CNTLN: variants seen among roughly 807,000 people sequenced by gnomAD.
The protein encoded by CNTLN is centlein.
A neutral mutation model predicts 180.0 loss-of-function variants in CNTLN; 212 were observed. The observed-to-expected ratio is 1.18, with a 90% CI of 1.05 to 1.32. CNTLN has a LOEUF of 1.32. CNTLN is among the 40% of genes most tolerant of loss of function. The pLI, the probability that CNTLN is intolerant of heterozygous loss-of-function variation, is 0.00. For missense variants in CNTLN, 2,095 were observed against 1,610.9 expected, an observed-to-expected ratio of 1.30 and a Z score of -5.14; for synonymous variants, 722 against 563.1, an observed-to-expected ratio of 1.28 and a Z score of -3.99.
At chr9:17,379,594 C>T (rs1332746957) in intron 13 of CNTLN, among the ~76,000 whole-genome samples, 1 of 152,098 alleles carries the variant, frequency 6.6e-6, no homozygotes, top group African/African-American at 2.4e-5. Context: ...TTGTCTGATG[C>T]CCAGTATCTA....
In CNTLN at chr9:17,185,984, G is replaced by A. The variant is rs116251014; in HGVS notation, c.450-40219G>A. ...ATTTTTAAATTTTTTGTAGAGGCAG[G>A]TCTCACTGTGTTGCTCAGGTTGGTC... On this transcript the variant is annotated intron_variant, in intron 2 of 25. Transcript: ENST00000380647. Among the ~76,000 whole-genome samples, 392 of 152,124 alleles carry A rather than the reference G, an allele frequency of 2.6e-3. 5 individuals carry two copies. The highest frequency in any genetic ancestry group is 9.0e-3 in the African/African-American group (375 of 41,480).
rs145422553 is a variant in CNTLN at position 17,413,081 on chromosome 9, A to G, written c.2797-2707A>G. 4.1e-4 allele frequency among the ~76,000 whole-genome samples: 62 copies of G among 152,330 alleles called. 1 individual carries two copies. Among genetic ancestry groups the G allele is most frequent in the African/African-American group, 1.4e-3 (59 of 41,572 alleles). On this transcript the variant is annotated intron_variant, in intron 16 of 25. Coordinates refer to ENST00000380647, the MANE Select transcript of CNTLN (RefSeq NM_017738.4). ...CTGATGGCACCGTACACCCGCCATTATTATTCACATAATGGAACAGAGAAT... is the reference window on the plus strand; with the variant it reads ...CTGATGGCACCGTACACCCGCCATTGTTATTCACATAATGGAACAGAGAAT...
At position 17,155,899 on chromosome 9, in the gene CNTLN, G is replaced by A. The variant is rs181637991; in HGVS notation, c.449+12523G>A. 3.3e-4 allele frequency among the ~76,000 whole-genome samples: 50 copies of A among 152,282 alleles called. 1 individual carries two copies. The highest frequency in any genetic ancestry group is 1.8e-3 in the Admixed American group (27 of 15,300). On this transcript the variant is annotated intron_variant, in intron 2 of 25. Transcript: ENST00000380647. ...CACTGGAGGGAATCTCCTGGTTTGC[G>A]GGATGTAAAGACCGTGGGACAAGCA...
intron 18 of CNTLN, among the ~76,000 whole-genome samples, chr9:17,452,856 G>A (rs1395744805): frequency 6.6e-6 from 1 of 152,084 alleles, no homozygotes; most frequent in African/African-American, 2.4e-5. Flanking sequence ...CCTATTCATG[G>A]GATCCTACAG....
At chr9:17,256,721 A>G (rs1161797127) in intron 5 of CNTLN, among the ~76,000 whole-genome samples, 1 of 151,050 alleles carries the variant, frequency 6.6e-6, no homozygotes, top group Non-Finnish European at 1.5e-5. Context: ...AACAGAAAAC[A>G]AAATGTCGTT....
At chr9:17,158,979 T>A (rs1296147215) in intron 2 of CNTLN, among the ~76,000 whole-genome samples, 1 of 152,262 alleles carries the variant, frequency 6.6e-6, no homozygotes, top group Admixed American at 6.5e-5. Context: ...CATTTATAGT[T>A]ATATCCTTCC....
chr9:17,418,427 T>A (rs1442516), intron 18 of CNTLN, among the ~76,000 whole-genome samples: 8 of 151,746 alleles, frequency 5.3e-5, no homozygotes, highest in Admixed American at 5.2e-4. Context: ...CTTTCTGGGC[T>A]CTAACATAAT....
intron 2 of CNTLN, among the ~76,000 whole-genome samples, chr9:17,195,421 G>GT (rs1280955695): frequency 6.6e-6 from 1 of 151,672 alleles, no homozygotes; most frequent in African/African-American, 2.4e-5. Flanking sequence ...GAAGACTATT[G>GT]TTTTTTTCCT....
intron 5 of CNTLN, among the ~76,000 whole-genome samples, chr9:17,271,086 G>A (rs988886359): frequency 1.3e-5 from 2 of 151,722 alleles, no homozygotes; most frequent in African/African-American, 2.4e-5. Flanking sequence ...GAGTAGCTGG[G>A]ACTACAGGCA....
At chr9:17,241,829 T>G (rs183608681) in intron 5 of CNTLN, among the ~76,000 whole-genome samples, 7 of 152,318 alleles carry the variant, frequency 4.6e-5, no homozygotes, top group African/African-American at 1.7e-4. Context: ...GTAGGATTAC[T>G]TTCTTAATTT....
intron 6 of CNTLN, among the ~76,000 whole-genome samples, chr9:17,291,890 G>A (rs1829436362): frequency 6.6e-6 from 1 of 152,116 alleles, no homozygotes; most frequent in Non-Finnish European, 1.5e-5. Context: ...TTGCTTTATA[G>A]TTTCATTGGT....
chr9:17,284,171 C>G (rs1013665746), intron 6 of CNTLN, among the ~76,000 whole-genome samples: 2 of 152,014 alleles, frequency 1.3e-5, no homozygotes, highest in Non-Finnish European at 2.9e-5. Context: ...ACAGGCGCTT[C>G]CAGTATGCCT....
At chr9:17,509,283 G>T in the CNTLN span, among the ~76,000 whole-genome samples, 1 of 152,152 alleles carries the variant, frequency 6.6e-6, no homozygotes, top group East Asian at 1.9e-4. Flanking sequence ...GCTACCTGGT[G>T]GCATGTTGAT....
chr9:17,222,731 T>C (rs897067233), intron 2 of CNTLN, among the ~76,000 whole-genome samples: 3 of 152,094 alleles, frequency 2.0e-5, no homozygotes, highest in African/African-American at 4.8e-5. Context: ...CAGTCATTTC[T>C]CAGTCTTTAG....
downstream of CNTLN, among the ~76,000 whole-genome samples, chr9:17,504,519 G>A (rs946323119): frequency 8.5e-5 from 13 of 152,082 alleles, 1 homozygote; most frequent in Non-Finnish European, 1.5e-4. Flanking sequence ...CGAAACCTGC[G>A]AATGTGTTAC....
intron 2 of CNTLN, among the ~76,000 whole-genome samples, chr9:17,198,037 G>A (rs1184031419): frequency 6.6e-6 from 1 of 152,074 alleles, no homozygotes; most frequent in Non-Finnish European, 1.5e-5. Context: ...TTGACAATGA[G>A]TTCACTGTAG....
intron 5 of CNTLN, among the ~76,000 whole-genome samples, chr9:17,266,391 T>C (rs1240368352): frequency 1.3e-5 from 2 of 152,334 alleles, no homozygotes; most frequent in African/African-American, 2.4e-5. Flanking sequence ...GATTGCACTG[T>C]GGTCTGAGAG....
intron 18 of CNTLN, among the ~76,000 whole-genome samples, chr9:17,434,574 A>G (rs1459648247): frequency 6.6e-6 from 1 of 151,996 alleles, no homozygotes; most frequent in Non-Finnish European, 1.5e-5. Context: ...TTCCATTATG[A>G]CCAGAGGCTA....
chr9:17,514,181 A>G, the CNTLN span, among the ~76,000 whole-genome samples: 1 of 151,842 alleles, frequency 6.6e-6, no homozygotes, highest in African/African-American at 2.4e-5. Flanking sequence ...GTAATGACAC[A>G]TGCCTGTAGT....
Sources: allele counts gnomAD v4.1 joint callset (sites outside exome capture counted in the v4.1 genomes callset), GRCh38; gene constraint gnomAD v4.1.1; transcripts MANE v1.5; gene names NCBI Gene and HGNC (gene_info 2026-07-23, HGNC 2026-07-21).